The following DMRT1 variants were observed in gnomAD, a reference collection of about 807,000 sequenced individuals.
DMRT1 encodes the protein doublesex and mab-3 related transcription factor 1.
DMRT1 carries 7 observed loss-of-function variants against 32.3 expected under a neutral mutation model. That is an observed-to-expected ratio of 0.22 (90% CI 0.12 to 0.41). The LOEUF (loss-of-function observed/expected upper bound fraction) is 0.41. Among genes scored for constraint, DMRT1 ranks in the 10% least tolerant of loss-of-function variants. DMRT1 has a pLI of 1.00. For synonymous variants in DMRT1, 278 were observed against 206.1 expected (o/e 1.35, Z -2.99); for missense variants, 625 against 500.5 (o/e 1.25, Z -2.37).
chr9:912,822 G>C (rs781247811), intron 3 of DMRT1, among the ~76,000 whole-genome samples: 1 of 151,920 alleles, frequency 6.6e-6, no homozygotes, highest in Non-Finnish European at 1.5e-5. Flanking sequence ...AAATATCCAG[G>C]GCCCAGGCCA....
chr9:878,200 G>GGC (rs149257815), intron 2 of DMRT1, among the ~76,000 whole-genome samples: 3 of 94,074 alleles, frequency 3.2e-5, no homozygotes, highest in African/African-American at 1.3e-4. Context: ...TGCAGCTGCT[G>GGC]CCCCCCCCCC....
Position 894,161 on chromosome 9 carries a change from CTTA to C in DMRT1, c.790_792del (p.Tyr264del). ...AACAGCCTTCGGGGCCTCCCCGGAC[CTTA>C]TGTGCCTGGTCAGACAGGAAACCAG... is the stretch of plus-strand genomic sequence containing the variant. On this transcript the variant is annotated inframe_deletion, in exon 3 of 5. Coordinates refer to ENST00000382276, the MANE Select transcript of DMRT1 (RefSeq NM_021951.3). The C allele has an allele frequency of 6.2e-7, 1 of 1,613,956 alleles. No homozygotes were observed. Among genetic ancestry groups the C allele is most frequent in the Non-Finnish European group, 8.5e-7 (1 of 1,180,042 alleles).
chr9:883,225 CAA>C (rs2132633542), intron 2 of DMRT1, among the ~76,000 whole-genome samples: 1 of 150,436 alleles, frequency 6.6e-6, no homozygotes, highest in East Asian at 2.0e-4. Flanking sequence ...GAGTTCACAC[CAA>C]GAAAAAAAAA....
chr9:926,117 T>C (rs977535863), intron 4 of DMRT1, among the ~76,000 whole-genome samples: 1 of 152,244 alleles, frequency 6.6e-6, no homozygotes, highest in Non-Finnish European at 1.5e-5. Flanking sequence ...AGCACATTAC[T>C]GTCACAGTAA....
intron 3 of DMRT1, among the ~76,000 whole-genome samples, chr9:906,128 C>T (rs1427088357): frequency 6.6e-6 from 1 of 152,074 alleles, no homozygotes; most frequent in African/African-American, 2.4e-5. Context: ...TGTGTCATTT[C>T]AATTAGTTGG....
rs148409188 is a variant in DMRT1, at chr9:953,092, C to G, written c.968-14893C>G. Among the ~76,000 whole-genome samples the G allele has an allele frequency of 5.3e-5, 8 of 152,032 alleles. No homozygotes were observed. In the East Asian group the frequency reaches 1.5e-3, roughly 29 times the overall value. ...ATTTTGCATACATGCTTTGTGTGTC[C>G]CTGTGAAGAATGCGGATTTGTTCAT... On this transcript the variant is annotated intron_variant, in intron 4 of 4. Transcript: ENST00000382276.
chr9:848,055 T>G (rs1350321193), intron 2 of DMRT1, among the ~76,000 whole-genome samples: 6 of 152,230 alleles, frequency 3.9e-5, no homozygotes, highest in Admixed American at 3.3e-4. Flanking sequence ...TTTCTGGCAA[T>G]TAGATACACA....
chr9:905,488 C>CTGTGTGTGTGTGTG (rs57056050), intron 3 of DMRT1, among the ~76,000 whole-genome samples: 4 of 147,718 alleles, frequency 2.7e-5, no homozygotes, highest in African/African-American at 1.0e-4. Flanking sequence ...GTGTGTGTGT[C>CTGTGTGTGTGTGTG]TGTGTGTGTG....
intron 2 of DMRT1, among the ~76,000 whole-genome samples, chr9:864,020 C>T (rs1288522322): frequency 4.6e-5 from 7 of 151,930 alleles, no homozygotes; most frequent in Non-Finnish European, 8.8e-5. Flanking sequence ...GGACAGACTG[C>T]GGGGTGATAA....
At chr9:936,771 GTCT>G (rs925793948) in intron 4 of DMRT1, among the ~76,000 whole-genome samples, 1 of 133,890 alleles carries the variant, frequency 7.5e-6, no homozygotes, top group Non-Finnish European at 1.6e-5. Flanking sequence ...AAAAAAAAAA[GTCT>G]TCTTCAAGGA....
chr9:856,506 C>G (rs1815407465), intron 2 of DMRT1, among the ~76,000 whole-genome samples: 1 of 152,142 alleles, frequency 6.6e-6, no homozygotes, highest in South Asian at 2.1e-4. Flanking sequence ...CCTTTTGTGT[C>G]TTACTTCTCT....
intron 2 of DMRT1, among the ~76,000 whole-genome samples, chr9:864,383 T>A (rs963975095): frequency 2.0e-5 from 3 of 151,980 alleles, no homozygotes; most frequent in African/African-American, 7.3e-5. Flanking sequence ...TTCATATTTT[T>A]AGTTTCACCA....
intron 4 of DMRT1, among the ~76,000 whole-genome samples, chr9:950,591 A>G (rs1175444418): frequency 6.6e-6 from 1 of 152,210 alleles, no homozygotes; most frequent in African/African-American, 2.4e-5. Context: ...AACGAATGAT[A>G]GTAATTATTA....
intron 2 of DMRT1, among the ~76,000 whole-genome samples, chr9:861,057 T>TC (rs1430208929): frequency 6.6e-6 from 1 of 150,550 alleles, no homozygotes; most frequent in Non-Finnish European, 1.5e-5. Flanking sequence ...TTTCTTTTTT[T>TC]TTTTTTTTTT....
chr9:857,486 G>A (rs1360257966), intron 2 of DMRT1, among the ~76,000 whole-genome samples: 6 of 152,106 alleles, frequency 3.9e-5, no homozygotes, highest in African/African-American at 1.4e-4. Context: ...TGTATTATTG[G>A]TTGGTAGAAA....
intron 3 of DMRT1, among the ~76,000 whole-genome samples, chr9:902,646 A>G (rs1468022468): frequency 2.0e-5 from 3 of 151,296 alleles, no homozygotes; most frequent in Non-Finnish European, 2.9e-5. Flanking sequence ...ACGCCACCAT[A>G]CCCAGCTAAT....
rs184124367 is a variant in DMRT1 at position 886,876 on chromosome 9, G to A, written c.539-7036G>A. 4.6e-5 allele frequency among the ~76,000 whole-genome samples: 7 copies of A among 152,288 alleles called. No individual in the cohort carries two copies. In the East Asian group the frequency reaches 1.3e-3, roughly 29 times the overall value. On this transcript the variant is annotated intron_variant, in intron 2 of 4. Coordinates refer to ENST00000382276, the MANE Select transcript of DMRT1 (RefSeq NM_021951.3). ...TGCTGTAGCATGGGCTGGACAGATG[G>A]TAGGTATACTCTGCTTATGCTTATC... is the stretch of plus-strand genomic sequence containing the variant.
chr9:914,717 T>C (rs1046364894), intron 3 of DMRT1, among the ~76,000 whole-genome samples: 16 of 152,114 alleles, frequency 1.1e-4, no homozygotes, highest in Non-Finnish European at 1.5e-4. Flanking sequence ...AAACTTCACT[T>C]GAGAGGAAAT....
intron 1 of DMRT1, among the ~76,000 whole-genome samples, chr9:845,771 CCCTG>C (rs145070835): frequency 2.1e-5 from 1 of 47,316 alleles, no homozygotes; most frequent in African/African-American, 5.3e-5. Context: ...CCTAAGCAGA[CCCTG>C]CCTGCCTTTC....
Sources: allele counts gnomAD v4.1 joint callset (sites outside exome capture counted in the v4.1 genomes callset), GRCh38; gene constraint gnomAD v4.1.1; transcripts MANE v1.5; gene names NCBI Gene and HGNC (gene_info 2026-07-23, HGNC 2026-07-21).